The following ARMC9 variants were observed in gnomAD, a reference collection of about 807,000 sequenced individuals.
ARMC9 encodes the protein lisH domain-containing protein ARMC9.
A neutral mutation model predicts 107.0 loss-of-function variants in ARMC9; 94 were observed. That is an observed-to-expected ratio of 0.88 (90% confidence interval 0.74 to 1.04). The LOEUF is 1.04. Ranked by LOEUF, ARMC9 falls within the 50% of genes least tolerant of loss-of-function variation. The pLI, the probability that ARMC9 is intolerant of heterozygous loss-of-function variation, is 0.00. For missense variants in ARMC9, 942 were observed against 1,030.1 expected (o/e 0.91, Z 1.17); for synonymous variants, 380 against 396.9 (o/e 0.96, Z 0.51).
rs557778885 is a variant in ARMC9 at position 231,330,009 on chromosome 2, A to G, written c.1774-1784A>G. ...TCCAGCACTATTTGATGAGATAACT[A>G]TCCTTTCTCATTGAATTTCTTTTGT... On this transcript the variant is annotated intron_variant, in intron 19 of 24. Transcript: ENST00000611582. Among the ~76,000 whole-genome samples, 20 of 152,190 alleles carry G rather than the reference A, an allele frequency of 1.3e-4. 1 individual carries two copies. The highest frequency in any genetic ancestry group is 2.9e-4 in the Non-Finnish European group (20 of 67,996).
chr2:231,272,862 T>C (rs2039455750), intron 13 of ARMC9, 93 bp from the exon 14 acceptor site: 10 of 1,461,904 alleles, frequency 6.8e-6, no homozygotes, highest in South Asian at 1.3e-5. Context: ...TACTGTGTTA[T>C]ATGCAAAGTA....
At chr2:231,364,125 G>A (rs983030919) in intron 23 of ARMC9, among the ~76,000 whole-genome samples, 1 of 152,254 alleles carries the variant, frequency 6.6e-6, no homozygotes, top group African/African-American at 2.4e-5. Context: ...CAGAGGCTGA[G>A]TTGCACCCCG....
intron 14 of ARMC9, among the ~76,000 whole-genome samples, chr2:231,274,787 T>C (rs1443291995): frequency 6.6e-6 from 1 of 152,210 alleles, no homozygotes; most frequent in South Asian, 2.1e-4. Context: ...TGTGTGTTTT[T>C]AGTGGGGGAA....
intron 7 of ARMC9, among the ~76,000 whole-genome samples, chr2:231,231,984 C>T (rs963885789): frequency 6.0e-5 from 9 of 149,888 alleles, no homozygotes; most frequent in Non-Finnish European, 1.0e-4. Flanking sequence ...CCACTGTTCC[C>T]GGCTGAAAAA....
At chr2:231,356,890 A>G (rs1330119833) in intron 22 of ARMC9, among the ~76,000 whole-genome samples, 2 of 152,184 alleles carry the variant, frequency 1.3e-5, no homozygotes, top group African/African-American at 4.8e-5. Context: ...ACTGAATGCC[A>G]TTGAGTTAAA....
chr2:231,340,765 G>A (rs1305415988), intron 20 of ARMC9, among the ~76,000 whole-genome samples: 1 of 152,150 alleles, frequency 6.6e-6, no homozygotes, highest in Admixed American at 6.5e-5. Context: ...GCACATGCCT[G>A]TAGTCCCAGC....
At chr2:231,220,130 A>G (rs1253489867) in intron 5 of ARMC9, among the ~76,000 whole-genome samples, 1 of 152,164 alleles carries the variant, frequency 6.6e-6, no homozygotes, top group African/African-American at 2.4e-5. Flanking sequence ...TCTGCCTTCC[A>G]GTTCACAAAC....
At chr2:231,243,541 T>A (rs956213230) in intron 9 of ARMC9, among the ~76,000 whole-genome samples, 1 of 152,202 alleles carries the variant, frequency 6.6e-6, no homozygotes. Context: ...CCACCCCGAC[T>A]GTTATGTTAG....
chr2:231,276,647 A>C lies in ARMC9; in HGVS notation c.1346A>C (p.Gln449Pro). The part of the protein sequence containing the change: ...LQKFSLRRPL[Q>P]TAMIQDGLIF... Reference sequence around the variant, plus strand: ...CTCTTTCTTCCCAGGCGCCCGCTGCAGACAGCGATGATTCAAGACGGCCTC... The same window carrying C: ...CTCTTTCTTCCCAGGCGCCCGCTGCCGACAGCGATGATTCAAGACGGCCTC... Residue 449 changes from glutamine to proline, a missense_variant, in exon 15 of 25, where the codon CAG becomes CCG. By Grantham distance (76) the Gln-to-Pro change is moderately conservative. Coordinates refer to ENST00000611582, the MANE Select transcript of ARMC9 (RefSeq NM_001352754.2). 1 of 1,614,212 alleles carries C rather than the reference A, an allele frequency of 6.2e-7. No individual in the cohort carries two copies. Among genetic ancestry groups the C allele is most frequent in the Non-Finnish European group, 8.5e-7 (1 of 1,180,036 alleles).
intron 8 of ARMC9, among the ~76,000 whole-genome samples, chr2:231,236,361 A>G (rs551895109): frequency 4.3e-4 from 66 of 152,302 alleles, no homozygotes; most frequent in Admixed American, 1.2e-3. Flanking sequence ...TACATTGGCT[A>G]TGGCCTATGG....
rs2046167485 is a variant in ARMC9, at chr2:231,375,441, T to C, written c.*3906T>C. Among the ~76,000 whole-genome samples, 1 of 152,256 alleles carries C rather than the reference T, an allele frequency of 6.6e-6. No individual in the cohort carries two copies. Among genetic ancestry groups the C allele is most frequent in the Admixed American group, 6.5e-5 (1 of 15,290 alleles). On this transcript the variant is annotated 3_prime_UTR_variant, in exon 25 of 25. Coordinates refer to ENST00000611582, the MANE Select transcript of ARMC9 (RefSeq NM_001352754.2). The surrounding 1 kb of genome is among the most constrained non-coding windows in gnomAD (Gnocchi z 4.3). Reference sequence around the variant, plus strand: ...CCGAATGAACCAGAGGCAATACTGCTGCAAGCTACCACATAGATGCTGTTC... The same window carrying C: ...CCGAATGAACCAGAGGCAATACTGCCGCAAGCTACCACATAGATGCTGTTC...
chr2:231,335,027 T>G (rs946719401), intron 20 of ARMC9, among the ~76,000 whole-genome samples: 1 of 152,146 alleles, frequency 6.6e-6, no homozygotes, highest in East Asian at 1.9e-4. Context: ...GATGTTGGCG[T>G]TTTGAAACAT....
chr2:231,285,234 C>T lies in ARMC9; in HGVS notation c.1626+3101C>T, dbSNP rs1466147385. The stretch of plus-strand genomic sequence containing the variant: ...AAAAATTATAGCGGTCTTGGTCAAA[C>T]ATCAGCTTTAATGATAGCCAGATCT... On this transcript the variant is annotated intron_variant, in intron 17 of 24. Coordinates refer to ENST00000611582, the MANE Select transcript of ARMC9 (RefSeq NM_001352754.2). 2.0e-5 allele frequency among the ~76,000 whole-genome samples: 3 copies of T among 152,034 alleles called. No homozygotes were observed. The East Asian group carries it at 5.8e-4, about 29-fold the overall frequency.
At chr2:231,204,550 G>A (rs901280187) in intron 1 of ARMC9, among the ~76,000 whole-genome samples, 2 of 152,074 alleles carry the variant, frequency 1.3e-5, no homozygotes, top group South Asian at 2.1e-4. Context: ...CTTCATGTCT[G>A]GAATCAATTT....
intron 12 of ARMC9, among the ~76,000 whole-genome samples, chr2:231,269,022 A>G (rs1295594736): frequency 6.6e-6 from 1 of 152,172 alleles, no homozygotes; most frequent in Non-Finnish European, 1.5e-5. Flanking sequence ...CTGTGATCAC[A>G]CCACTGCACT....
At chr2:231,281,861 CAG>C (rs1393092959) in intron 16 of ARMC9, among the ~76,000 whole-genome samples, 196 bp from the exon 17 acceptor site, 1 of 152,160 alleles carries the variant, frequency 6.6e-6, no homozygotes, top group Non-Finnish European at 1.5e-5. Context: ...GTTTTAGACT[CAG>C]TGGTAGCTGT....
intron 1 of ARMC9, among the ~76,000 whole-genome samples, chr2:231,204,657 T>A (rs2031686441): frequency 6.6e-6 from 1 of 151,702 alleles, no homozygotes. Flanking sequence ...AATCAAGCAG[T>A]ACAAAGGGCT....
Position 231,239,968 on chromosome 2 carries a change from T to A in ARMC9, c.806T>A (p.Val269Asp). Residue 269 changes from valine (V) to aspartate (D), a missense_variant, in exon 9 of 25, where the codon GTC (valine) becomes GAC (aspartate). Val to Asp is a radical substitution (Grantham distance 152, BLOSUM62 -3). Transcript: ENST00000611582. Reference protein sequence around the residue: ...KMITPEYLQSVCVRLFSNQMR... With the variant: ...KMITPEYLQSDCVRLFSNQMR... ...ATCACCCCTGAGTACCTCCAGAGCG[T>A]CTGTGTCCGCCTGTTCAGTAACCAG... 1 of 1,614,112 alleles carries A rather than the reference T, an allele frequency of 6.2e-7. No homozygotes were observed. The highest frequency in any genetic ancestry group is 8.5e-7 in the Non-Finnish European group (1 of 1,179,992).
chr2:231,217,350 G>A (rs1452208678), intron 5 of ARMC9, among the ~76,000 whole-genome samples: 2 of 152,142 alleles, frequency 1.3e-5, no homozygotes, highest in African/African-American at 2.4e-5. Context: ...TTGGGAGGCC[G>A]AGGTGGGTGC....
Sources: allele counts gnomAD v4.1 joint callset (sites outside exome capture counted in the v4.1 genomes callset), GRCh38; gene constraint gnomAD v4.1.1; non-coding constraint Gnocchi (gnomAD v3.1); transcripts MANE v1.5; gene names NCBI Gene and HGNC (gene_info 2026-07-23, HGNC 2026-07-21).